The following HMG20A variants were observed in gnomAD, a reference collection of about 807,000 sequenced individuals.
HMG20A encodes the protein high mobility group protein 20A.
Under a neutral mutation model 43.9 loss-of-function variants are expected in HMG20A, and 17 were observed. That is an observed-to-expected ratio of 0.39 (90% confidence interval 0.27 to 0.58). HMG20A has a LOEUF of 0.58. Among genes scored for constraint, HMG20A ranks in the 20% least tolerant of loss-of-function variants. The pLI is 0.59. For missense variants in HMG20A, 341 were observed against 438.2 expected (o/e 0.78, Z 1.98); for synonymous variants, 132 against 147.5 (o/e 0.89, Z 0.76).
the HMG20A span, among the ~76,000 whole-genome samples, chr15:77,519,631 A>G: frequency 3.9e-5 from 6 of 152,238 alleles, no homozygotes; most frequent in Admixed American, 3.9e-4. Context: ...CAGAAGGCAA[A>G]CCCTTACCAG....
At chr15:77,491,661 G>A in the HMG20A span, among the ~76,000 whole-genome samples, 1 of 152,178 alleles carries the variant, frequency 6.6e-6, no homozygotes, top group African/African-American at 2.4e-5. Flanking sequence ...CAGTATTCTG[G>A]AAAACACAAA....
At chr15:77,449,812 A>C (rs1017361860) in intron 1 of HMG20A, among the ~76,000 whole-genome samples, 3 of 152,152 alleles carry the variant, frequency 2.0e-5, no homozygotes, top group African/African-American at 4.8e-5. Context: ...ATTGACACAT[A>C]ATCACCATAG....
intron 4 of HMG20A, among the ~76,000 whole-genome samples, chr15:77,470,317 G>A (rs1224795210): frequency 6.6e-6 from 1 of 152,176 alleles, no homozygotes; most frequent in Non-Finnish European, 1.5e-5. Context: ...ATAGCACAAA[G>A]CAATCAAAGC....
intron 1 of HMG20A, 100 bp from the exon 2 acceptor site, chr15:77,458,304 C>A: frequency 2.8e-6 from 2 of 718,220 alleles, no homozygotes; most frequent in South Asian, 1.7e-5. Context: ...TATTCTGTTG[C>A]TTATATGATA....
chr15:77,459,333 T>A (rs940036379), intron 2 of HMG20A, among the ~76,000 whole-genome samples: 1 of 152,228 alleles, frequency 6.6e-6, no homozygotes, highest in Non-Finnish European at 1.5e-5. Context: ...GTATCTGCTA[T>A]GTGTCATTGT....
chr15:77,519,944 T>C, the HMG20A span, among the ~76,000 whole-genome samples: 1 of 152,280 alleles, frequency 6.6e-6, no homozygotes, highest in Admixed American at 6.5e-5. Context: ...CTCATGCCTG[T>C]AATCCCAGCA....
intron 9 of HMG20A, among the ~76,000 whole-genome samples, chr15:77,480,958 G>A (rs975048659): frequency 2.6e-5 from 4 of 151,996 alleles, no homozygotes; most frequent in Non-Finnish European, 5.9e-5. Flanking sequence ...GGCCATATAT[G>A]GATACTAAAA....
rs189466280 is a variant in HMG20A at position 77,442,949 on chromosome 15, C to A, written c.-4-15455C>A. On this transcript the variant is annotated intron_variant, in intron 1 of 9. Coordinates refer to ENST00000336216, the MANE Select transcript of HMG20A (RefSeq NM_001304504.2). ...CTTTCTTTAAAGTAACAAAACCATACTGCTGAAGGTTGAGTTTAAAACAAA... is the reference window on the plus strand; with the variant it reads ...CTTTCTTTAAAGTAACAAAACCATAATGCTGAAGGTTGAGTTTAAAACAAA... 3.0e-3 allele frequency among the ~76,000 whole-genome samples: 448 copies of A among 151,718 alleles called. 1 individual carries two copies. The highest frequency in any genetic ancestry group is 4.9e-3 in the Non-Finnish European group (336 of 67,964).
chr15:77,459,398 T>G (rs1470579049), intron 2 of HMG20A, among the ~76,000 whole-genome samples: 1 of 152,214 alleles, frequency 6.6e-6, no homozygotes. Flanking sequence ...ATAGGCCTTT[T>G]AAAGTTCAAA....
intron 1 of HMG20A, among the ~76,000 whole-genome samples, chr15:77,440,476 A>C (rs1443783740): frequency 6.6e-6 from 1 of 152,184 alleles, no homozygotes; most frequent in African/African-American, 2.4e-5. Flanking sequence ...GGTGTCAGTT[A>C]GGATAGGCTA....
chr15:77,428,263 G>C (rs191955701), intron 1 of HMG20A, among the ~76,000 whole-genome samples: 54 of 152,308 alleles, frequency 3.5e-4, no homozygotes, highest in Admixed American at 1.0e-3. Flanking sequence ...ATCTGTGATG[G>C]TAACAAAGAA....
the HMG20A span, among the ~76,000 whole-genome samples, chr15:77,491,646 G>A: frequency 6.6e-6 from 1 of 152,302 alleles, no homozygotes; most frequent in East Asian, 1.9e-4. Context: ...AAACGGCTGT[G>A]AGCGCAGTAT....
the HMG20A span, among the ~76,000 whole-genome samples, chr15:77,491,908 C>T: frequency 1.3e-5 from 2 of 152,170 alleles, no homozygotes; most frequent in African/African-American, 4.8e-5. Context: ...GTAAATGGGC[C>T]TTGAATGTCA....
intron 2 of HMG20A, among the ~76,000 whole-genome samples, chr15:77,462,626 GTT>G (rs1485222567): frequency 6.7e-6 from 1 of 148,382 alleles, no homozygotes; most frequent in Non-Finnish European, 1.5e-5. Flanking sequence ...CACACACCCT[GTT>G]TTTACTTTGA....
chr15:77,443,578 G>C (rs1222694240), intron 1 of HMG20A, among the ~76,000 whole-genome samples: 1 of 151,510 alleles, frequency 6.6e-6, no homozygotes, highest in Non-Finnish European at 1.5e-5. Flanking sequence ...TTTCAGTAGA[G>C]ACAGGGTTTC....
intron 4 of HMG20A, among the ~76,000 whole-genome samples, chr15:77,470,631 A>G (rs2072798431): frequency 6.6e-6 from 1 of 152,182 alleles, no homozygotes. Flanking sequence ...ATCTTCATGA[A>G]TTTTTTATAA....
intron 4 of HMG20A, among the ~76,000 whole-genome samples, chr15:77,469,225 G>A (rs2072784364): frequency 9.1e-6 from 1 of 109,478 alleles, no homozygotes; most frequent in South Asian, 2.9e-4. Flanking sequence ...AGTAATCTAT[G>A]GGGAGACGAT....
At chr15:77,498,002 A>G in the HMG20A span, among the ~76,000 whole-genome samples, 1 of 152,144 alleles carries the variant, frequency 6.6e-6, no homozygotes, top group Non-Finnish European at 1.5e-5. Context: ...TAAGTGGAAG[A>G]TCTTTATCTA....
chr15:77,449,018 C>T lies in HMG20A; in HGVS notation c.-4-9386C>T, dbSNP rs116352279. Among the ~76,000 whole-genome samples, 760 of 152,172 alleles carry T rather than the reference C, an allele frequency of 5.0e-3. 6 individuals are homozygous for T. The highest frequency in any genetic ancestry group is 0.017 in the African/African-American group (719 of 41,526). On this transcript the variant is annotated intron_variant, in intron 1 of 9. Transcript: ENST00000336216. ...AAGCAGAGATCAAGCCACTGCACTT[C>T]AGCCTGGGCAACAGAGTGAGGCTCG...
Sources: allele counts gnomAD v4.1 joint callset (sites outside exome capture counted in the v4.1 genomes callset), GRCh38; gene constraint gnomAD v4.1.1; transcripts MANE v1.5; gene names NCBI Gene and HGNC (gene_info 2026-07-23, HGNC 2026-07-21).